Variants in HDAC6 observed in about 807,000 individuals in gnomAD.
HDAC6 encodes histone deacetylase 6.
HDAC6 carries 5 observed loss-of-function variants against 88.9 expected under a neutral mutation model. The observed-to-expected ratio is 0.06, with a 90% CI of 0.03 to 0.12. The LOEUF (loss-of-function observed/expected upper bound fraction) is 0.12. Among genes scored for constraint, HDAC6 ranks in the 10% least tolerant of loss-of-function variants. HDAC6 has a pLI of 1.00. For synonymous variants in HDAC6, 378 were observed against 398.0 expected (o/e 0.95, Z 0.60); for missense variants, 706 against 1,014.4 (o/e 0.70, Z 4.13).
At chrX:48,824,107 C>G (rs782336249) in intron 27 of HDAC6, 39 bp downstream of exon 27, 1 of 1,202,942 alleles carries the variant, frequency 8.3e-7, no homozygotes, top group Non-Finnish European at 1.1e-6. Flanking sequence ...GAGGTTGGCC[C>G]GGGAGCAAAC....
chrX:48,816,367 G>T, intron 18 of HDAC6, 98 bp downstream of exon 18: 2 of 1,124,107 alleles, frequency 1.8e-6, no homozygotes, highest in Non-Finnish European at 2.4e-6. Context: ...GCTGCTGCAG[G>T]ACTTGAGAGG....
intron 4 of HDAC6, among the ~76,000 whole-genome samples, chrX:48,803,793 A>G (rs868973337): frequency 1.6e-4 from 18 of 112,130 alleles, no homozygotes; most frequent in African/African-American, 5.2e-4. Context: ...CTGGTCCCCT[A>G]CTTCCAACCT....
At position 48,814,756 on chromosome X, in the gene HDAC6, G is replaced by A; in HGVS notation, c.999+16G>A. 2 of 1,210,443 alleles carry A rather than the reference G, an allele frequency of 1.7e-6. No homozygotes were observed. The highest frequency in any genetic ancestry group is 2.2e-6 in the Non-Finnish European group (2 of 894,603). ...CGCCCTCGAGGTCCTGGGGATCTGG[G>A]GTGTGTTGGGAGGAGGAGTGGCCTT... On this transcript the variant is annotated intron_variant, in intron 12 of 28. Coordinates refer to ENST00000334136, the MANE Select transcript of HDAC6 (RefSeq NM_006044.4).
At chrX:48,817,887 C>A in intron 20 of HDAC6, 154 bp from the exon 21 acceptor site, 2 of 519,560 alleles carry the variant, frequency 3.8e-6, no homozygotes, top group South Asian at 2.9e-5. Flanking sequence ...ACCGGGCAGC[C>A]CTTGGGAACC....
chrX:48,824,321 C>G (rs1452665795), intron 28 of HDAC6, 27 bp downstream of exon 28: 1 of 1,195,993 alleles, frequency 8.4e-7, no homozygotes, highest in Non-Finnish European at 1.1e-6. Flanking sequence ...CCCTTCGACA[C>G]GTGCACACTC....
chrX:48,802,519 C>T, intron 1 of HDAC6, 144 bp from the exon 2 acceptor site: 1 of 1,097,966 alleles, frequency 9.1e-7, no homozygotes, highest in Non-Finnish European at 1.2e-6. Flanking sequence ...CTGAGAGAGG[C>T]GGAGTTTGGA....
At position 48,802,679 on chromosome X, in the gene HDAC6, A is replaced by C; in HGVS notation, c.-14A>C. 1 of 1,196,990 alleles carries C rather than the reference A, an allele frequency of 8.4e-7. No homozygotes were observed. The highest frequency in any genetic ancestry group is 1.1e-6 in the Non-Finnish European group (1 of 888,864). On this transcript the variant is annotated 5_prime_UTR_variant, in exon 2 of 29. Transcript: ENST00000334136. ...CACCCCCAGAACCGCGGCAGGGGCC[A>C]AGCCTCCTCAACTATGACCTCAACC...
rs782060510 is a variant in HDAC6, at chrX:48,818,056, T to C, written c.1941T>C (p.Asp647=). 1.0e-5 allele frequency: 12 copies of C among 1,196,742 alleles called. No individual in the cohort carries two copies. In the Admixed American group the frequency reaches 1.4e-4, roughly 14 times the overall value. The part of the protein sequence containing the change: ...SGHALRILIV[D]WDVHHGNGTQ... ...TCCTCCCCAGGATCCTGATTGTGGA[T>C]TGGGATGTCCACCACGGTAATGGAA... Residue 647 remains aspartate (D), a synonymous_variant, in exon 21 of 29, where the codon GAT becomes GAC. Transcript: ENST00000334136.
Position 48,816,267 on chromosome X carries a change from C to T in HDAC6, c.1620C>T (p.His540=). The T allele has an allele frequency of 3.3e-6, 4 of 1,208,899 alleles. No individual in the cohort carries two copies. The highest frequency in any genetic ancestry group is 3.4e-6 in the Non-Finnish European group (3 of 893,734). The stretch of plus-strand genomic sequence containing the variant: ...CAGAGGCTGAGCTGCTCACCTGTCA[C>T]AGGTCAGACCCCGGTGCCTGGGGTG... The part of the protein sequence containing the change: ...PATEAELLTC[H]SAEYVGHLRA... Residue 540 remains histidine (H), a splice_region_variant and synonymous_variant, in exon 18 of 29, where the codon CAC becomes CAT. Coordinates refer to ENST00000334136, the MANE Select transcript of HDAC6 (RefSeq NM_006044.4).
At position 48,815,912 on chromosome X, in the gene HDAC6, G is replaced by A. The variant is rs781858496; in HGVS notation, c.1353G>A (p.Glu451=). 4 of 1,211,242 alleles carry A rather than the reference G, an allele frequency of 3.3e-6. No individual in the cohort carries two copies. In the African/African-American group the frequency reaches 5.2e-5, roughly 16 times the overall value. ...AGACCGTGGAGAGGGACAACATGGA[G>A]GAGGACAATGTAGAGGAGAGCGAGG... The part of the protein sequence containing the change: ...STETVERDNM[E]EDNVEESEEE... Residue 451 remains glutamate, a synonymous_variant, in exon 17 of 29, where the codon GAG becomes GAA. Coordinates refer to ENST00000334136, the MANE Select transcript of HDAC6 (RefSeq NM_006044.4).
chrX:48,812,468 T>G (rs1284147286), intron 10 of HDAC6, among the ~76,000 whole-genome samples: 1 of 112,602 alleles, frequency 8.9e-6, no homozygotes, highest in African/African-American at 3.2e-5. Context: ...GAAGGGATTT[T>G]GTGTGCATTG....
intron 10 of HDAC6, among the ~76,000 whole-genome samples, chrX:48,808,530 A>C (rs1361413139): frequency 1.8e-5 from 2 of 111,528 alleles, no homozygotes; most frequent in African/African-American, 6.5e-5. Context: ...TATTTTACAG[A>C]TAGGGGGACT....
chrX:48,806,747 GTCCT>G lies in HDAC6; in HGVS notation c.632+48_632+51del, dbSNP rs781898362. 4.7e-6 allele frequency: 4 copies of G among 858,654 alleles called. No individual in the cohort carries two copies. The East Asian group carries it at 1.3e-4, about 27-fold the overall frequency. The allele number at this position is 858,654 out of a possible 1,213,427, so 70.8% of individuals were successfully genotyped here. A position where few individuals can be genotyped will look rare whatever the true frequency, so the allele number is the denominator to read the frequency against. The stretch of plus-strand genomic sequence containing the variant: ...ATTTGACTTTTTACATTGTTTTAAA[GTCCT>G]TCCTTCAAGTGTAAAATGTATTGAT... On this transcript the variant is annotated intron_variant, in intron 8 of 28. Coordinates refer to ENST00000334136, the MANE Select transcript of HDAC6 (RefSeq NM_006044.4).
chrX:48,806,302 T>C, intron 6 of HDAC6, 66 bp from the exon 7 acceptor site: 1 of 669,032 alleles, frequency 1.5e-6, no homozygotes, highest in South Asian at 2.3e-5. Context: ...ACCAGGGGGT[T>C]GGTGTATGGA....
chrX:48,802,909 C>A lies in HDAC6; in HGVS notation c.132C>A (p.Ile44=), dbSNP rs781907553. 1 of 1,208,730 alleles carries A rather than the reference C, an allele frequency of 8.3e-7. No homozygotes were observed. Among genetic ancestry groups the A allele is most frequent in the East Asian group, 3.0e-5 (1 of 33,795 alleles). Reference sequence around the variant, plus strand: ...AAAAGGGAGCCGTTCCCCGCTCTATCCCCAATCTAGCGGAGGTAAAGAAGA... The same window carrying A: ...AAAAGGGAGCCGTTCCCCGCTCTATACCCAATCTAGCGGAGGTAAAGAAGA... ...NIKKGAVPRS[I]PNLAEVKKKG... Residue 44 remains isoleucine, a synonymous_variant, in exon 3 of 29, where the codon ATC becomes ATA. Transcript: ENST00000334136.
chrX:48,802,205 G>C, intron 1 of HDAC6, 63 bp downstream of exon 1: 10 of 875,004 alleles, frequency 1.1e-5, no homozygotes, highest in Non-Finnish European at 1.4e-5. Context: ...GTCGAAACCG[G>C]GGTCGGGGCC....
intron 4 of HDAC6, 82 bp downstream of exon 4, chrX:48,803,298 T>G (rs2062759083): frequency 1.3e-6 from 1 of 758,544 alleles, no homozygotes; most frequent in African/African-American, 2.1e-5. Context: ...AATCTTTTCT[T>G]ACCCCAGCCT....
In HDAC6 at chrX:48,816,605, G is replaced by T. The variant is rs782183158; in HGVS notation, c.1763G>T (p.Arg588Leu). The change falls in exon 19 of 29, where the codon CGC becomes CTC. Residue 588 changes from arginine (R) to leucine (L), a missense_variant. This residue lies in a region of HDAC6 where 138 missense variants were observed against 303.5 expected (regional missense o/e 0.45). Transcript: ENST00000334136. ...CAGCTTGCCACTGGCGCTGCCTGCC[G>T]CCTGGTGGAGGCTGTGCTCTCAGGA... Reference protein sequence around the residue: ...CAQLATGAACRLVEAVLSGEV... With the variant: ...CAQLATGAACLLVEAVLSGEV... 2 of 1,208,811 alleles carry T rather than the reference G, an allele frequency of 1.7e-6. No homozygotes were observed. Among genetic ancestry groups the T allele is most frequent in the Admixed American group, 4.4e-5 (2 of 45,683 alleles).
chrX:48,816,223 C>G lies in HDAC6; in HGVS notation c.1576C>G (p.Leu526Val), dbSNP rs782290258. 2.9e-5 allele frequency: 35 copies of G among 1,209,894 alleles called. No homozygotes were observed. Among genetic ancestry groups the G allele is most frequent in the Non-Finnish European group, 3.9e-5 (35 of 895,223 alleles). Reference sequence around the variant, plus strand: ...GGGCCTTGCCGGGCGCTGCCTCACCCTGACACCGCGCCCTGCCACAGAGGC... The same window carrying G: ...GGGCCTTGCCGGGCGCTGCCTCACCGTGACACCGCGCCCTGCCACAGAGGC... ...ELGLAGRCLTLTPRPATEAEL... is the reference protein window; with the variant it reads ...ELGLAGRCLTVTPRPATEAEL... Residue 526 changes from leucine (L) to valine (V), a missense_variant, in exon 18 of 29, where the codon CTG (leucine) becomes GTG (valine). Physicochemically the swap from Leu to Val is conservative, Grantham distance 32. Coordinates refer to ENST00000334136, the MANE Select transcript of HDAC6 (RefSeq NM_006044.4).
Sources: allele counts gnomAD v4.1 joint callset (sites outside exome capture counted in the v4.1 genomes callset), GRCh38; gene constraint gnomAD v4.1.1; regional missense constraint gnomAD v4.1.1; transcripts MANE v1.5; gene names NCBI Gene and HGNC (gene_info 2026-07-23, HGNC 2026-07-21).